The following ARHGEF7 variants were observed in gnomAD, a reference collection of about 807,000 sequenced individuals.
ARHGEF7 encodes PAK-interacting exchange factor beta.
A neutral mutation model predicts 109.8 loss-of-function variants in ARHGEF7; 33 were observed. The ratio of observed to expected loss-of-function variants is 0.30; its 90% CI spans 0.23 to 0.40. ARHGEF7 has a LOEUF of 0.40. Among genes scored for constraint, ARHGEF7 ranks in the 10% least tolerant of loss-of-function variants. The probability of loss-of-function intolerance (pLI) is 1.00; values close to 1 mark genes in which losing one functional copy is unlikely to be tolerated. For synonymous variants in ARHGEF7, 458 were observed against 424.6 expected, an observed-to-expected ratio of 1.08 and a Z score of -0.97; for missense variants, 938 against 1,098.5, an observed-to-expected ratio of 0.85 and a Z score of 2.07.
intron 1 of ARHGEF7, among the ~76,000 whole-genome samples, chr13:111,147,986 C>T (rs931242837): frequency 2.0e-5 from 3 of 152,190 alleles, no homozygotes; most frequent in East Asian, 1.9e-4. Context: ...CGTGAGCCAC[C>T]GTGCCCAGCC....
chr13:111,209,995 G>A lies in ARHGEF7; in HGVS notation c.461G>A (p.Arg154Gln), dbSNP rs760717132. 5.6e-6 allele frequency: 9 copies of A among 1,614,164 alleles called. No individual in the cohort carries two copies. Among genetic ancestry groups the A allele is most frequent in the South Asian group, 2.2e-5 (2 of 91,086 alleles). The change falls in exon 4 of 22, where the codon CGG (arginine) becomes CAG (glutamine). Residue 154 changes from arginine to glutamine, a missense_variant. Arg to Gln is a conservative substitution (Grantham distance 43). Around this residue, in one of 4 missense-constraint regions of ARHGEF7, gnomAD observed 585 missense variants for 723.6 expected, o/e 0.81. Coordinates refer to ENST00000646102, the MANE Select transcript of ARHGEF7 (RefSeq NM_001354046.2). The stretch of plus-strand genomic sequence containing the variant: ...TCAAAACTGTTCCAGGGCCAGTATC[G>A]GAGTTTGGTAAGTTTGAGAGATTTT... ...RTSKLFQGQYRSLDMTDNSNN... is the reference protein window; with the variant it reads ...RTSKLFQGQYQSLDMTDNSNN...
chr13:111,280,633 G>A lies in ARHGEF7; in HGVS notation c.1681G>A (p.Val561Met), dbSNP rs762816390. ...ACAGAAGCAAACGAAGGTCACGTCT[G>A]TGGGAAACCCCACCATAAAGCCTCA... The part of the protein sequence containing the change: ...HLQKQTKVTS[V>M]GNPTIKPHSV... The change falls in exon 15 of 22, where the codon GTG becomes ATG. Residue 561 changes from valine to methionine, a missense_variant. Physicochemically the swap from Val to Met is conservative, Grantham distance 21. This residue lies in a region of ARHGEF7 where 585 missense variants were observed against 723.6 expected (regional missense o/e 0.81). Coordinates refer to ENST00000646102, the MANE Select transcript of ARHGEF7 (RefSeq NM_001354046.2). The A allele has an allele frequency of 3.1e-6, 5 of 1,610,850 alleles. No homozygotes were observed. The highest frequency in any genetic ancestry group is 1.1e-5 in the South Asian group (1 of 90,400).
Position 111,266,739 on chromosome 13 carries a change from T to C in ARHGEF7, c.951-809T>C, listed in dbSNP as rs1307053568. On this transcript the variant is annotated intron_variant, in intron 8 of 21. Coordinates refer to ENST00000646102, the MANE Select transcript of ARHGEF7 (RefSeq NM_001354046.2). The surrounding 1 kb of genome is among the most constrained non-coding windows in gnomAD (Gnocchi z 4.8). ...TCCCTAGGTAGGAGGATGTAATCCT[T>C]CTGGTAATATTGTGGGTATCTGGGG... 22 of 449,148 alleles carry C rather than the reference T, an allele frequency of 4.9e-5. No homozygotes were observed. Among genetic ancestry groups the C allele is most frequent in the Non-Finnish European group, 9.5e-5 (21 of 221,392 alleles). 27.8% of individuals were successfully genotyped at this position (449,148 alleles called of 1,614,324 possible).
Position 111,255,429 on chromosome 13 carries a change from C to T in ARHGEF7, c.950+11135C>T, listed in dbSNP as rs1421338151. On this transcript the variant is annotated intron_variant, in intron 8 of 21. Coordinates refer to ENST00000646102, the MANE Select transcript of ARHGEF7 (RefSeq NM_001354046.2). The surrounding 1 kb of genome is among the most constrained non-coding windows in gnomAD (Gnocchi z 4.1). Reference sequence around the variant, plus strand: ...CCCATGTCTGTCCCAGTGTCCTCATCTATAAAGCAGGGGTGCTGGTGTCAC... The same window carrying T: ...CCCATGTCTGTCCCAGTGTCCTCATTTATAAAGCAGGGGTGCTGGTGTCAC... 3.9e-5 allele frequency among the ~76,000 whole-genome samples: 6 copies of T among 152,218 alleles called. No homozygotes were observed. The highest frequency in any genetic ancestry group is 3.3e-4 in the Admixed American group (5 of 15,290).
intron 2 of ARHGEF7, among the ~76,000 whole-genome samples, chr13:111,175,809 A>G (rs187916116): frequency 3.9e-4 from 59 of 152,324 alleles, no homozygotes; most frequent in African/African-American, 1.4e-3. Flanking sequence ...TAATTTATAA[A>G]GGAGAAAGGT....
intron 2 of ARHGEF7, among the ~76,000 whole-genome samples, chr13:111,184,393 C>A (rs1340344775): frequency 6.6e-6 from 1 of 152,190 alleles, no homozygotes; most frequent in Non-Finnish European, 1.5e-5. Context: ...TGTCCTGGTC[C>A]TTTGGCTAGA....
At chr13:111,195,608 CT>C (rs2153452475) in intron 2 of ARHGEF7, among the ~76,000 whole-genome samples, 1 of 152,340 alleles carries the variant, frequency 6.6e-6, no homozygotes, top group South Asian at 2.1e-4. Context: ...GGCGCTTGCT[CT>C]GGGCACCGTC....
chr13:111,136,594 A>G (rs543698513), intron 1 of ARHGEF7, among the ~76,000 whole-genome samples: 105 of 152,354 alleles, frequency 6.9e-4, no homozygotes, highest in Admixed American at 2.0e-3. Context: ...CATTTAAAGG[A>G]GTGTGTAGAG....
chr13:111,169,000 A>C (rs1198087507), intron 2 of ARHGEF7, among the ~76,000 whole-genome samples: 1 of 152,182 alleles, frequency 6.6e-6, no homozygotes, highest in Non-Finnish European at 1.5e-5. Context: ...TTTCTCTTTT[A>C]ATCAGTAGTT....
At chr13:111,114,721 A>T (rs2066636116), upstream of ARHGEF7, 1 of 152,022 alleles carries the variant, frequency 6.6e-6, no homozygotes, top group Non-Finnish European at 1.5e-5. Flanking sequence ...CAGGGTCTGA[A>T]GCGTCACCGT....
chr13:111,302,814 T>C (rs897191393), intron 21 of ARHGEF7, among the ~76,000 whole-genome samples, 177 bp from the exon 22 acceptor site: 9 of 152,222 alleles, frequency 5.9e-5, no homozygotes, highest in Non-Finnish European at 8.8e-5. Context: ...GGAGCACCGC[T>C]GCCACCCTGT....
At chr13:111,250,036 C>T (rs769965574) in intron 8 of ARHGEF7, among the ~76,000 whole-genome samples, 1 of 152,146 alleles carries the variant, frequency 6.6e-6, no homozygotes, top group Non-Finnish European at 1.5e-5. Flanking sequence ...TATTTGCAGG[C>T]GAGTCAGTTT....
At chr13:111,208,830 C>G (rs941682149) in intron 3 of ARHGEF7, among the ~76,000 whole-genome samples, 4 of 152,096 alleles carry the variant, frequency 2.6e-5, no homozygotes, top group Non-Finnish European at 1.5e-5. Flanking sequence ...TGGGGTCAGG[C>G]AGGTGGCGTG....
At chr13:111,283,492 G>A (rs1464097732) in intron 16 of ARHGEF7, 129 bp downstream of exon 16, 5 of 1,398,470 alleles carry the variant, frequency 3.6e-6, no homozygotes, top group East Asian at 5.0e-5. Flanking sequence ...GAGAAGGGGG[G>A]GTCTGCCTTG....
chr13:111,125,041 T>TGAGCCAGTGCGCC (rs1316315458), intron 1 of ARHGEF7, among the ~76,000 whole-genome samples: 2 of 152,192 alleles, frequency 1.3e-5, no homozygotes, highest in Non-Finnish European at 2.9e-5. Flanking sequence ...ATTACAGGTG[T>TGAGCCAGTGCGCC]GAGCCAGTGC....
intron 2 of ARHGEF7, among the ~76,000 whole-genome samples, chr13:111,164,381 G>A (rs1221404551): frequency 1.3e-5 from 2 of 152,216 alleles, no homozygotes; most frequent in Non-Finnish European, 2.9e-5. Flanking sequence ...ACAACATCAA[G>A]GCAATACTCT....
At chr13:111,285,677 A>G (rs1258757718) in intron 16 of ARHGEF7, among the ~76,000 whole-genome samples, 1 of 152,184 alleles carries the variant, frequency 6.6e-6, no homozygotes, top group African/African-American at 2.4e-5. Flanking sequence ...GAAACTTCAA[A>G]TATTTTCTTA....
In ARHGEF7 at chr13:111,145,237, G is replaced by A. The variant is rs765674638; in HGVS notation, c.166-8668G>A. ...TCCTCTAGATTGTTTCCAATCGTTT[G>A]CCATTACATTGTGTTCTAATTTTAG... On this transcript the variant is annotated intron_variant, in intron 1 of 21. Coordinates refer to ENST00000646102, the MANE Select transcript of ARHGEF7 (RefSeq NM_001354046.2). This position sits in a 1 kb window ranked among gnomAD's most constrained non-coding sequence, Gnocchi z 4.3. Among the ~76,000 whole-genome samples, 1 of 152,094 alleles carries A rather than the reference G, an allele frequency of 6.6e-6. No individual in the cohort carries two copies. The highest frequency in any genetic ancestry group is 1.5e-5 in the Non-Finnish European group (1 of 68,018).
intron 3 of ARHGEF7, 151 bp downstream of exon 3, chr13:111,205,524 A>G (rs1419191155): frequency 5.3e-6 from 3 of 569,968 alleles, no homozygotes; most frequent in African/African-American, 3.9e-5. Flanking sequence ...TTTTGCTGTG[A>G]TATTTTATTT....
Sources: gnomAD v4.1 joint callset for allele counts (sites outside exome capture counted in the v4.1 genomes callset) on GRCh38, gnomAD v4.1.1 for gene constraint, gnomAD v4.1.1 regional missense constraint, Gnocchi (gnomAD v3.1) non-coding constraint, MANE v1.5 for transcripts, NCBI Gene and HGNC (gene_info 2026-07-23, HGNC 2026-07-21) for gene names.